SMARCA2: variants seen among roughly 807,000 people sequenced by gnomAD.
The protein encoded by SMARCA2 is SWI/SNF-related matrix-associated actin-dependent regulator of chromatin subfamily A member 2.
A neutral mutation model predicts 199.8 loss-of-function variants in SMARCA2; 61 were observed. The ratio of observed to expected loss-of-function variants is 0.31; its 90% CI spans 0.25 to 0.38. The LOEUF (loss-of-function observed/expected upper bound fraction) is 0.38. Ranked by LOEUF, SMARCA2 falls within the 10% of genes least tolerant of loss-of-function variation. The pLI, the probability that SMARCA2 is intolerant of heterozygous loss-of-function variation, is 1.00. For missense variants in SMARCA2, 1,344 were observed against 2,012.2 expected, an observed-to-expected ratio of 0.67 and a Z score of 6.35; for synonymous variants, 935 against 732.0, an observed-to-expected ratio of 1.28 and a Z score of -4.48.
chr9:2,026,203 C>T (rs1818822912), intron 1 of SMARCA2, among the ~76,000 whole-genome samples: 1 of 152,174 alleles, frequency 6.6e-6, no homozygotes, highest in Admixed American at 6.5e-5. Context: ...AGATCTCTGC[C>T]ATTCATTAGT....
At chr9:2,036,496 A>G (rs1001266372) in intron 3 of SMARCA2, among the ~76,000 whole-genome samples, 7 of 152,202 alleles carry the variant, frequency 4.6e-5, no homozygotes, top group African/African-American at 1.4e-4. Context: ...ATAATTACCA[A>G]AATATGTGAT....
rs1000103918 is a variant in SMARCA2, at chr9:2,017,386, CGTGA to C, written c.-37+1986_-37+1989del. 2 of 152,408 alleles carry C rather than the reference CGTGA, an allele frequency of 1.3e-5. No individual in the cohort carries two copies. The highest frequency in any genetic ancestry group is 4.8e-5 in the African/African-American group (2 of 41,402). 9.4% of individuals were successfully genotyped at this position (152,408 alleles called of 1,614,324 possible). A position where few individuals can be genotyped will look rare whatever the true frequency, so the allele number is the denominator to read the frequency against. On this transcript the variant is annotated intron_variant, in intron 1 of 33. Coordinates refer to ENST00000349721, the MANE Select transcript of SMARCA2 (RefSeq NM_003070.5). This position sits in a 1 kb window ranked among gnomAD's most constrained non-coding sequence, Gnocchi z 8.8. ...CCCGGCCGGCGCGAGTGTGTCTGCG[CGTGA>C]GTGTGAGTGTGAGTGTGTGTTGTGC...
rs1337319975 is a variant in SMARCA2, at chr9:2,115,607, A to G, written c.3457-215A>G. Among the ~76,000 whole-genome samples the G allele has an allele frequency of 1.3e-5, 2 of 152,234 alleles. No individual in the cohort carries two copies. Among genetic ancestry groups the G allele is most frequent in the African/African-American group, 4.8e-5 (2 of 41,462 alleles). ...GATTTCAAAACCTGAGATGTATTTC[A>G]GTTGGCTTGGTTAATTTCAACCCAG... On this transcript the variant is annotated intron_variant, in intron 24 of 33. Coordinates refer to ENST00000349721, the MANE Select transcript of SMARCA2 (RefSeq NM_003070.5). This position sits in a 1 kb window ranked among gnomAD's most constrained non-coding sequence, Gnocchi z 6.0.
At position 2,083,420 on chromosome 9, in the gene SMARCA2, A is replaced by C. The variant is rs760747743; in HGVS notation, c.2415+7A>C. 6.3e-7 allele frequency: 1 copy of C among 1,585,920 alleles called. No homozygotes were observed. The highest frequency in any genetic ancestry group is 1.1e-5 in the South Asian group (1 of 88,444). ...GGTGAAGATTTCTTACAAGGTTTGG[A>C]ATGCTGTATTTATATATAAATGTGG... On this transcript the variant is annotated splice_region_variant and intron_variant, in intron 16 of 33. Transcript: ENST00000349721.
chr9:2,081,667 C>T (rs1821573193), intron 14 of SMARCA2, among the ~76,000 whole-genome samples, 165 bp from the exon 15 acceptor site: 2 of 152,200 alleles, frequency 1.3e-5, no homozygotes, highest in African/African-American at 2.4e-5. Context: ...TGATCAGGCT[C>T]ATATTTTACA....
chr9:2,097,559 A>C (rs1822324222), intron 21 of SMARCA2, 88 bp downstream of exon 21: 15 of 778,246 alleles, frequency 1.9e-5, no homozygotes, highest in Admixed American at 9.6e-5. Context: ...AAAAAAAAAA[A>C]CCAAAATAGA....
intron 27 of SMARCA2, among the ~76,000 whole-genome samples, chr9:2,147,135 A>G (rs980874558): frequency 1.3e-5 from 2 of 152,104 alleles, no homozygotes; most frequent in Admixed American, 6.6e-5. Context: ...AGCTCATGAC[A>G]GAAGTGTTTA....
At chr9:2,143,686 T>A (rs1003195697) in intron 27 of SMARCA2, among the ~76,000 whole-genome samples, 8 of 152,244 alleles carry the variant, frequency 5.3e-5, no homozygotes, top group Non-Finnish European at 1.0e-4. Context: ...CCAGGAGAGA[T>A]AACTGGGAAA....
intron 9 of SMARCA2, among the ~76,000 whole-genome samples, chr9:2,069,326 G>A (rs1410585692): frequency 6.6e-6 from 1 of 151,642 alleles, no homozygotes; most frequent in Non-Finnish European, 1.5e-5. Flanking sequence ...GGAGGCCGAG[G>A]CAGGCGGATC....
At chr9:2,055,114 C>G (rs1240520925) in intron 6 of SMARCA2, among the ~76,000 whole-genome samples, 1 of 152,190 alleles carries the variant, frequency 6.6e-6, no homozygotes. Flanking sequence ...AAGTGCTTGC[C>G]ACGACTGTGA....
chr9:2,080,144 T>A (rs1343205790), intron 14 of SMARCA2: 3 of 152,250 alleles, frequency 2.0e-5, no homozygotes, highest in African/African-American at 7.2e-5. Flanking sequence ...CCTTCCCTGA[T>A]CATTCTCTCC....
At chr9:2,148,646 A>G (rs1470976198) in intron 27 of SMARCA2, among the ~76,000 whole-genome samples, 1 of 151,096 alleles carries the variant, frequency 6.6e-6, no homozygotes, top group Non-Finnish European at 1.5e-5. Flanking sequence ...TTTTTCTGAG[A>G]CACACGCACA....
chr9:2,046,962 T>C (rs1819874834), intron 4 of SMARCA2, among the ~76,000 whole-genome samples: 1 of 152,196 alleles, frequency 6.6e-6, no homozygotes, highest in Non-Finnish European at 1.5e-5. Flanking sequence ...CATTTCCCGA[T>C]GGGGATAGAT....
rs530732971 is a variant in SMARCA2, at chr9:2,170,284, C to G, written c.4200-135C>G. ...CCGAATGAGGTTCCAAACATAACCC[C>G]GTGTAATCTTCCTAACAAGGCAGGT... On this transcript the variant is annotated intron_variant, in intron 28 of 33. Coordinates refer to ENST00000349721, the MANE Select transcript of SMARCA2 (RefSeq NM_003070.5). This position sits in a 1 kb window ranked among gnomAD's most constrained non-coding sequence, Gnocchi z 4.7. 1.8e-5 allele frequency: 19 copies of G among 1,042,384 alleles called. No homozygotes were observed. The highest frequency in any genetic ancestry group is 2.5e-5 in the Non-Finnish European group (18 of 716,942). The allele number at this position is 1,042,384 out of a possible 1,614,324, so 64.6% of individuals were successfully genotyped here.
At chr9:2,181,848 A>C (rs1373914631) in intron 30 of SMARCA2, among the ~76,000 whole-genome samples, 172 bp downstream of exon 30, 2 of 152,124 alleles carry the variant, frequency 1.3e-5, no homozygotes, top group Non-Finnish European at 2.9e-5. Context: ...TCATGTTGAG[A>C]GCTCACGTTA....
At chr9:2,069,521 C>T (rs145203470) in intron 9 of SMARCA2, among the ~76,000 whole-genome samples, 5,796 of 150,250 alleles carry the variant, frequency 0.039, 320 homozygotes, top group African/African-American at 0.12. Context: ...ATCGGGCCAC[C>T]GCACTCCAGC....
rs1819491550 is a variant in SMARCA2 at position 2,039,621 on chromosome 9, C to A, written c.511C>A (p.Pro171Thr). The A allele has an allele frequency of 1.2e-6, 2 of 1,614,072 alleles. No homozygotes were observed. The highest frequency in any genetic ancestry group is 1.7e-6 in the Non-Finnish European group (2 of 1,180,048). The change falls in exon 4 of 34, where the codon CCC becomes ACC. Residue 171 changes from proline to threonine, a missense_variant. Pro to Thr is a conservative substitution (Grantham distance 38). Transcript: ENST00000349721. The surrounding 1 kb of genome is among the most constrained non-coding windows in gnomAD (Gnocchi z 4.8). ...GGCCATGAGCCAGCCCAACAGAGGT[C>A]CCTCACCTTTCAGTCCTGTCCAGCT... ...PQAMSQPNRG[P>T]SPFSPVQLHQ... is the part of the protein sequence containing the mutation.
At chr9:2,165,800 C>T (rs541417614) in intron 28 of SMARCA2, among the ~76,000 whole-genome samples, 1 of 152,280 alleles carries the variant, frequency 6.6e-6, no homozygotes, top group East Asian at 1.9e-4. Flanking sequence ...ACTCTAGAGA[C>T]ATGGCTTTCA....
chr9:2,167,152 T>C (rs1413463429), intron 28 of SMARCA2, among the ~76,000 whole-genome samples: 1 of 152,244 alleles, frequency 6.6e-6, no homozygotes, highest in African/African-American at 2.4e-5. Flanking sequence ...CTAAATGTTA[T>C]TAGCAGAAGC....
Sources: allele counts gnomAD v4.1 joint callset (sites outside exome capture counted in the v4.1 genomes callset), GRCh38; gene constraint gnomAD v4.1.1; non-coding constraint Gnocchi (gnomAD v3.1); transcripts MANE v1.5; gene names NCBI Gene and HGNC (gene_info 2026-07-23, HGNC 2026-07-21).